Variants in HAS2 observed in about 807,000 individuals in gnomAD.
HAS2 encodes the protein hyaluronan synthase 2.
Under a neutral mutation model 51.6 loss-of-function variants are expected in HAS2, and 16 were observed. That is an observed-to-expected ratio of 0.31 (90% confidence interval 0.21 to 0.47). The LOEUF (loss-of-function observed/expected upper bound fraction) is 0.47, where lower values mean the gene tolerates loss of function less well. Ranked by LOEUF, HAS2 falls within the 20% of genes least tolerant of loss-of-function variation. HAS2 has a pLI of 1.00. For synonymous variants in HAS2, 228 were observed against 235.5 expected (o/e 0.97, Z 0.29); for missense variants, 361 against 662.6 (o/e 0.54, Z 5.00).
Position 121,613,129 on chromosome 8 carries a change from T to C in HAS2, c.*980A>G, listed in dbSNP as rs556758042. The C allele has an allele frequency of 6.6e-6, 1 of 152,182 alleles. No individual in the cohort carries two copies. The allele number at this position is 152,182 out of a possible 1,614,324, so 9.4% of individuals were successfully genotyped here. A position where few individuals can be genotyped will look rare whatever the true frequency, so the allele number is the denominator to read the frequency against. On this transcript the variant is annotated 3_prime_UTR_variant, in exon 4 of 4. Transcript: ENST00000303924. The stretch of plus-strand genomic sequence containing the variant: ...TGCCAGAATCTCCAAAGATTATTCA[T>C]CTTTGATACCCATGTTTTGTCCAGT...
intron 2 of HAS2, among the ~76,000 whole-genome samples, chr8:121,617,924 T>C (rs967620410): frequency 6.6e-6 from 1 of 152,140 alleles, no homozygotes; most frequent in Non-Finnish European, 1.5e-5. Context: ...GCCCTCTGAA[T>C]TTAAAAGTGG....
chr8:121,620,227 T>G (rs1011123618), intron 2 of HAS2, among the ~76,000 whole-genome samples: 2 of 152,210 alleles, frequency 1.3e-5, no homozygotes, highest in Non-Finnish European at 2.9e-5. Flanking sequence ...TGTGAAAGCA[T>G]GTGTATTCAT....
chr8:121,630,657 C>A (rs1311573895), intron 1 of HAS2, among the ~76,000 whole-genome samples: 1 of 152,076 alleles, frequency 6.6e-6, no homozygotes, highest in Non-Finnish European at 1.5e-5. Context: ...TTCTTTAATT[C>A]AATTGATTTT....
intron 1 of HAS2, among the ~76,000 whole-genome samples, chr8:121,631,172 C>T (rs1812924642): frequency 6.6e-6 from 1 of 152,124 alleles, no homozygotes; most frequent in South Asian, 2.1e-4. Flanking sequence ...CTTGGATTGC[C>T]ATATGAAAGG....
rs1812665869 is a variant in HAS2 at position 121,613,721 on chromosome 8, A to AAAAC, written c.*384_*387dup. On this transcript the variant is annotated 3_prime_UTR_variant, in exon 4 of 4. Coordinates refer to ENST00000303924, the MANE Select transcript of HAS2 (RefSeq NM_005328.3). ...TAAAAAAAAAAAATTATCATCTATC[A>AAAAC]AAACAGTCCATAAGTTAGGTTGTAT... is the stretch of plus-strand genomic sequence containing the variant. The AAAAC allele has an allele frequency of 5.5e-6, 1 of 182,568 alleles. No individual in the cohort carries two copies. Among genetic ancestry groups the AAAAC allele is most frequent in the Admixed American group, 5.4e-5 (1 of 18,500 alleles). 11.3% of individuals were successfully genotyped at this position (182,568 alleles called of 1,614,324 possible).
At chr8:121,635,242 C>G (rs1812993550) in intron 1 of HAS2, among the ~76,000 whole-genome samples, 1 of 152,064 alleles carries the variant, frequency 6.6e-6, no homozygotes, top group Non-Finnish European at 1.5e-5. Context: ...GGCTGGATGA[C>G]CTTGAGCAAG....
chr8:121,614,867 T>C lies in HAS2; in HGVS notation c.901A>G (p.Asn301Asp), dbSNP rs578147501. Reference protein sequence around the residue: ...LLHEFVEDWYNQEFMGNQCSF... With the variant: ...LLHEFVEDWYDQEFMGNQCSF... ...CATTGGTTGCCCATAAATTCTTGAT[T>C]GTACCAATCTTCCACAAACTCATGC... The change falls in exon 4 of 4, where the codon AAT becomes GAT. Residue 301 changes from asparagine to aspartate, a missense_variant. Transcript: ENST00000303924. This position sits in a 1 kb window ranked among gnomAD's most constrained non-coding sequence, Gnocchi z 7.2. 23 of 1,614,220 alleles carry C rather than the reference T, an allele frequency of 1.4e-5. No individual in the cohort carries two copies. Among genetic ancestry groups the C allele is most frequent in the Non-Finnish European group, 1.9e-5 (23 of 1,180,030 alleles).
chr8:121,631,193 C>T (rs1812924865), intron 1 of HAS2, among the ~76,000 whole-genome samples: 1 of 152,162 alleles, frequency 6.6e-6, no homozygotes, highest in African/African-American at 2.4e-5. Flanking sequence ...GAGCCACCCA[C>T]CAAACAGGAA....
At chr8:121,619,651 T>C (rs1268440877) in intron 2 of HAS2, among the ~76,000 whole-genome samples, 1 of 152,168 alleles carries the variant, frequency 6.6e-6, no homozygotes, top group Non-Finnish European at 1.5e-5. Flanking sequence ...CCTAGAAGAA[T>C]TCCCCCGAAA....
chr8:121,635,356 T>C (rs1429688885), intron 1 of HAS2, among the ~76,000 whole-genome samples: 2 of 152,222 alleles, frequency 1.3e-5, no homozygotes, highest in Non-Finnish European at 2.9e-5. Context: ...TCTAAGTACA[T>C]ATTTTAAAAA....
chr8:121,619,014 T>G (rs767965150), intron 2 of HAS2, among the ~76,000 whole-genome samples: 1 of 151,872 alleles, frequency 6.6e-6, no homozygotes, highest in East Asian at 1.9e-4. Context: ...GTCTCAGAAT[T>G]AAAGGAGACG....
Position 121,614,621 on chromosome 8 carries a change from T to C in HAS2, c.1147A>G (p.Thr383Ala). 1 of 1,614,050 alleles carries C rather than the reference T, an allele frequency of 6.2e-7. No homozygotes were observed. The highest frequency in any genetic ancestry group is 1.1e-5 in the South Asian group (1 of 91,078). Residue 383 changes from threonine (T) to alanine (A), a missense_variant, in exon 4 of 4, where the codon ACT becomes GCT. By Grantham distance (58) the Thr-to-Ala change is moderately conservative (BLOSUM62 0). Around this residue, in one of 5 missense-constraint regions of HAS2, gnomAD observed 106 missense variants for 241.0 expected, o/e 0.44. Transcript: ENST00000303924. The surrounding 1 kb of genome is among the most constrained non-coding windows in gnomAD (Gnocchi z 7.2). ...ATGAGAAAGAAAGGAAAGAATCCAGTGATAATCGCTTCGTAGGTCATCCAC... is the reference window on the plus strand; with the variant it reads ...ATGAGAAAGAAAGGAAAGAATCCAGCGATAATCGCTTCGTAGGTCATCCAC... ...HLWMTYEAII[T>A]GFFPFFLIAT... is the part of the protein sequence containing the mutation.
At position 121,619,180 on chromosome 8, in the gene HAS2, A is replaced by G. The variant is rs534527579; in HGVS notation, c.628-1974T>C. Among the ~76,000 whole-genome samples, 9 of 152,282 alleles carry G rather than the reference A, an allele frequency of 5.9e-5. No individual in the cohort carries two copies. The South Asian group carries it at 1.9e-3, about 32-fold the overall frequency. On this transcript the variant is annotated intron_variant, in intron 2 of 3. Transcript: ENST00000303924. ...TGTTTGAGCCCAGGAGTTTGAGACC[A>G]GCCTGGGCAACACAACAAGACCCCA... is the stretch of plus-strand genomic sequence containing the variant.
At position 121,614,055 on chromosome 8, in the gene HAS2, C is replaced by T. The variant is rs540838681; in HGVS notation, c.*54G>A. 1.9e-6 allele frequency: 3 copies of T among 1,612,264 alleles called. No individual in the cohort carries two copies. In the South Asian group the frequency reaches 3.3e-5, roughly 18 times the overall value. On this transcript the variant is annotated 3_prime_UTR_variant, in exon 4 of 4. Coordinates refer to ENST00000303924, the MANE Select transcript of HAS2 (RefSeq NM_005328.3). This position sits in a 1 kb window ranked among gnomAD's most constrained non-coding sequence, Gnocchi z 7.2. ...TATCTGATGCCACAATACTGTACAG[C>T]CCCTAGAGGAACTAAGGTGTTGTGT...
chr8:121,615,644 A>G (rs1812690829), intron 3 of HAS2, among the ~76,000 whole-genome samples: 1 of 150,054 alleles, frequency 6.7e-6, no homozygotes, highest in African/African-American at 2.5e-5. Context: ...TTTTTTTTTT[A>G]GGCTTTAGAT....
chr8:121,623,656 G>A lies in HAS2; in HGVS notation c.627+5058C>T, dbSNP rs569474699. 1.2e-3 allele frequency among the ~76,000 whole-genome samples: 176 copies of A among 152,264 alleles called. 5 individuals carry two copies. In the South Asian group the frequency reaches 0.035, roughly 31 times the overall value. ...ACACCAATACTGACTTAAGAATCTTGAGCTGAAAGACATCTTAGAGATCAT... is the reference window on the plus strand; with the variant it reads ...ACACCAATACTGACTTAAGAATCTTAAGCTGAAAGACATCTTAGAGATCAT... On this transcript the variant is annotated intron_variant, in intron 2 of 3. Transcript: ENST00000303924.
Position 121,612,637 on chromosome 8 carries a change from A to T in HAS2, c.*1472T>A, listed in dbSNP as rs906503921. Reference sequence around the variant, plus strand: ...TGTAAAAAATAAAACTGGATAATGGAGGCCTTGCAGTAACTAAATTAGCCA... The same window carrying T: ...TGTAAAAAATAAAACTGGATAATGGTGGCCTTGCAGTAACTAAATTAGCCA... On this transcript the variant is annotated 3_prime_UTR_variant, in exon 4 of 4. Transcript: ENST00000303924. 6.6e-6 allele frequency: 1 copy of T among 152,210 alleles called. No homozygotes were observed. The highest frequency in any genetic ancestry group is 1.5e-5 in the Non-Finnish European group (1 of 68,036). 9.4% of individuals were successfully genotyped at this position (152,210 alleles called of 1,614,324 possible).
In HAS2 at chr8:121,628,751, G is replaced by C. The variant is rs1445545918; in HGVS notation, c.590C>G (p.Ala197Gly). ...CACACTTCGTCCCAGTGCTCTGAAG[G>C]CTGTGTACATGACTTCTCTTTTTCC... ...WGGKREVMYT[A>G]FRALGRSVDY... The change falls in exon 2 of 4, where the codon GCC (alanine) becomes GGC (glycine). Residue 197 changes from alanine (A) to glycine (G), a missense_variant. Physicochemically the swap from Ala to Gly is moderately conservative, Grantham distance 60 (BLOSUM62 0). Around this residue, in one of 5 missense-constraint regions of HAS2, gnomAD observed 49 missense variants for 108.3 expected, o/e 0.45. Coordinates refer to ENST00000303924, the MANE Select transcript of HAS2 (RefSeq NM_005328.3). The C allele has an allele frequency of 1.9e-6, 3 of 1,613,922 alleles. No homozygotes were observed. The highest frequency in any genetic ancestry group is 2.5e-6 in the Non-Finnish European group (3 of 1,179,938).
At chr8:121,615,546 C>T (rs1184762434) in intron 3 of HAS2, among the ~76,000 whole-genome samples, 2 of 152,042 alleles carry the variant, frequency 1.3e-5, no homozygotes, top group Non-Finnish European at 2.9e-5. Flanking sequence ...GCTGGTCTTG[C>T]TCCTGACCTC....
Sources: gnomAD v4.1 joint callset for allele counts (sites outside exome capture counted in the v4.1 genomes callset) on GRCh38, gnomAD v4.1.1 for gene constraint, gnomAD v4.1.1 regional missense constraint, Gnocchi (gnomAD v3.1) non-coding constraint, MANE v1.5 for transcripts, NCBI Gene and HGNC (gene_info 2026-07-23, HGNC 2026-07-21) for gene names.